Variants in EIF4EBP3 observed in about 807,000 individuals in gnomAD.
The protein encoded by EIF4EBP3 is eukaryotic translation initiation factor 4E binding protein 3, also known as eukaryotic translation initiation factor 4E-binding protein 3.
In EIF4EBP3, 11 loss-of-function variants were observed where a neutral mutation model predicts 12.1. The ratio of observed to expected loss-of-function variants is 0.91; its 90% CI spans 0.57 to 1.51. The LOEUF is 1.51. EIF4EBP3 is among the 40% of genes most tolerant of loss of function. The probability of loss-of-function intolerance (pLI) is 0.00; values close to 1 mark genes in which losing one functional copy is unlikely to be tolerated. For missense variants in EIF4EBP3, 136 were observed against 131.8 expected, an observed-to-expected ratio of 1.03 and a Z score of -0.16; for synonymous variants, 43 against 54.2, an observed-to-expected ratio of 0.79 and a Z score of 0.91.
chr5:140,548,250 G>T (rs1754430463), intron 1 of EIF4EBP3, among the ~76,000 whole-genome samples: 1 of 152,238 alleles, frequency 6.6e-6, no homozygotes. Flanking sequence ...GCTGGCGTCT[G>T]TTTGGTTGGG....
chr5:140,547,813 G>C lies in EIF4EBP3; in HGVS notation c.76G>C (p.Gly26Arg). 2 of 1,522,262 alleles carry C rather than the reference G, an allele frequency of 1.3e-6. No homozygotes were observed. The highest frequency in any genetic ancestry group is 2.5e-5 in the South Asian group (2 of 80,530). The allele number at this position is 1,522,262 out of a possible 1,614,324, so 94.3% of individuals were successfully genotyped here. A position where few individuals can be genotyped will look rare whatever the true frequency, so the allele number is the denominator to read the frequency against. Residue 26 changes from glycine (G) to arginine (R), a missense_variant, in exon 1 of 3, where the codon GGC becomes CGC. Coordinates refer to ENST00000310331, the MANE Select transcript of EIF4EBP3 (RefSeq NM_003732.3). ...LPDCYSTTPG[G>R]TLYATTPGGT... Reference sequence around the variant, plus strand: ...CGACTGCTACAGCACCACGCCGGGGGGCACGCTATACGCCACTACCCCCGG... The same window carrying C: ...CGACTGCTACAGCACCACGCCGGGGCGCACGCTATACGCCACTACCCCCGG...
At position 140,549,487 on chromosome 5, in the gene EIF4EBP3, C is replaced by A. The variant is rs915517580; in HGVS notation, c.*225C>A. 1.2e-5 allele frequency: 8 copies of A among 649,482 alleles called. No individual in the cohort carries two copies. Among genetic ancestry groups the A allele is most frequent in the Non-Finnish European group, 2.1e-5 (8 of 376,616 alleles). 40.2% of individuals were successfully genotyped at this position (649,482 alleles called of 1,614,324 possible). On this transcript the variant is annotated 3_prime_UTR_variant, in exon 3 of 3. Coordinates refer to ENST00000310331, the MANE Select transcript of EIF4EBP3 (RefSeq NM_003732.3). ...TACTTCCTCTTCAGTCTGTGGTACTCCTCCTAACCCTAAACCCTCTATGCT... is the reference window on the plus strand; with the variant it reads ...TACTTCCTCTTCAGTCTGTGGTACTACTCCTAACCCTAAACCCTCTATGCT...
chr5:140,547,764 T>TC lies in EIF4EBP3; in HGVS notation c.30dup (p.Gly11ArgfsTer83). On this transcript the variant is annotated frameshift_variant, in exon 1 of 3. Transcript: ENST00000310331. LOFTEE classifies it high-confidence loss of function. Reference sequence around the variant, plus strand: ...TGTCAACGTCCACTAGCTGCCCGATTCCCGGGGGCCGGGACCAGCTGCCCG... The same window carrying TC: ...TGTCAACGTCCACTAGCTGCCCGATTCCCCGGGGGCCGGGACCAGCTGCCCG... The TC allele has an allele frequency of 3.9e-6, 6 of 1,544,318 alleles. No individual in the cohort carries two copies. Among genetic ancestry groups the TC allele is most frequent in the Non-Finnish European group, 5.2e-6 (6 of 1,143,472 alleles).
chr5:140,548,975 C>T lies in EIF4EBP3; in HGVS notation c.173C>T (p.Pro58Leu), dbSNP rs567544849. The change falls in exon 2 of 3, where the codon CCC (proline) becomes CTC (leucine). Residue 58 changes from proline (P) to leucine (L), a missense_variant. Coordinates refer to ENST00000310331, the MANE Select transcript of EIF4EBP3 (RefSeq NM_003732.3). Reference protein sequence around the residue: ...CKNSPIARTPPCCLPQIPGVT... With the variant: ...CKNSPIARTPLCCLPQIPGVT... ...AACTCACCCATTGCCCGGACACCCC[C>T]CTGCTGCCTCCCTCAGATTCCCGGG... is the stretch of plus-strand genomic sequence containing the variant. 2.5e-6 allele frequency: 4 copies of T among 1,614,062 alleles called. No homozygotes were observed. The highest frequency in any genetic ancestry group is 3.4e-6 in the Non-Finnish European group (4 of 1,180,030).
At chr5:140,548,859 C>T (rs557094979) in intron 1 of EIF4EBP3, 47 bp from the exon 2 acceptor site, 104 of 1,573,538 alleles carry the variant, frequency 6.6e-5, no homozygotes, top group Middle Eastern at 3.4e-4. Flanking sequence ...CCAGTCACCT[C>T]GGTACCCAAG....
chr5:140,548,450 G>T (rs1754437154), intron 1 of EIF4EBP3, among the ~76,000 whole-genome samples: 1 of 152,232 alleles, frequency 6.6e-6, no homozygotes, highest in Non-Finnish European at 1.5e-5. Flanking sequence ...CCCTGCAGGA[G>T]ATAGCCCAGG....
At chr5:140,548,749 C>T (rs1158536623) in intron 1 of EIF4EBP3, among the ~76,000 whole-genome samples, 157 bp from the exon 2 acceptor site, 1 of 152,162 alleles carries the variant, frequency 6.6e-6, no homozygotes, top group Non-Finnish European at 1.5e-5. Flanking sequence ...GGCTTGTCTG[C>T]TGAGAACCTA....
chr5:140,547,895 T>G, intron 1 of EIF4EBP3, 55 bp downstream of exon 1: 1 of 1,361,230 alleles, frequency 7.3e-7, no homozygotes, highest in Non-Finnish European at 9.6e-7. Flanking sequence ...GCGTGCGTGT[T>G]GTTGCGGGGC....
Position 140,549,461 on chromosome 5 carries a change from C to T in EIF4EBP3, c.*199C>T. ...TGGGCAACTTGCCAAGCCCTTAACT[C>T]TACTTCCTCTTCAGTCTGTGGTACT... is the stretch of plus-strand genomic sequence containing the variant. On this transcript the variant is annotated 3_prime_UTR_variant, in exon 3 of 3. Transcript: ENST00000310331. 1 of 761,058 alleles carries T rather than the reference C, an allele frequency of 1.3e-6. No homozygotes were observed. Among genetic ancestry groups the T allele is most frequent in the Admixed American group, 2.4e-5 (1 of 41,744 alleles). 47.1% of individuals were successfully genotyped at this position (761,058 alleles called of 1,614,324 possible).
At chr5:140,547,915 G>T (rs1221773807) in intron 1 of EIF4EBP3, 75 bp downstream of exon 1, 5 of 1,235,352 alleles carry the variant, frequency 4.0e-6, no homozygotes, top group Admixed American at 3.4e-5. Context: ...CGGGGGTAGG[G>T]GAGGGACAGA....
In EIF4EBP3 at chr5:140,549,444, T is replaced by C. The variant is rs1026301085; in HGVS notation, c.*182T>C. 8.5e-6 allele frequency: 8 copies of C among 942,480 alleles called. No individual in the cohort carries two copies. The highest frequency in any genetic ancestry group is 1.3e-5 in the Non-Finnish European group (8 of 616,572). The allele number at this position is 942,480 out of a possible 1,614,324, so 58.4% of individuals were successfully genotyped here. ...TAGACCAGGGATAGGAGTGGGCAAC[T>C]TGCCAAGCCCTTAACTCTACTTCCT... is the stretch of plus-strand genomic sequence containing the variant. On this transcript the variant is annotated 3_prime_UTR_variant, in exon 3 of 3. Coordinates refer to ENST00000310331, the MANE Select transcript of EIF4EBP3 (RefSeq NM_003732.3).
chr5:140,549,494 A>C lies in EIF4EBP3; in HGVS notation c.*232A>C. On this transcript the variant is annotated 3_prime_UTR_variant, in exon 3 of 3. Transcript: ENST00000310331. Reference sequence around the variant, plus strand: ...TCTTCAGTCTGTGGTACTCCTCCTAACCCTAAACCCTCTATGCTCAGGGGC... The same window carrying C: ...TCTTCAGTCTGTGGTACTCCTCCTACCCCTAAACCCTCTATGCTCAGGGGC... The C allele has an allele frequency of 1.6e-6, 1 of 623,532 alleles. No homozygotes were observed. The highest frequency in any genetic ancestry group is 2.8e-6 in the Non-Finnish European group (1 of 358,064). The allele number at this position is 623,532 out of a possible 1,614,324, so 38.6% of individuals were successfully genotyped here. A position where few individuals can be genotyped will look rare whatever the true frequency, so the allele number is the denominator to read the frequency against.
chr5:140,549,456 TAACTC>T lies in EIF4EBP3; in HGVS notation c.*195_*199del. On this transcript the variant is annotated 3_prime_UTR_variant, in exon 3 of 3. Transcript: ENST00000310331. ...AGGAGTGGGCAACTTGCCAAGCCCT[TAACTC>T]TACTTCCTCTTCAGTCTGTGGTACT... is the stretch of plus-strand genomic sequence containing the variant. 2 of 793,316 alleles carry T rather than the reference TAACTC, an allele frequency of 2.5e-6. No individual in the cohort carries two copies. Among genetic ancestry groups the T allele is most frequent in the South Asian group, 3.2e-5 (2 of 62,132 alleles). The allele number at this position is 793,316 out of a possible 1,614,324, so 49.1% of individuals were successfully genotyped here.
chr5:140,548,901 G>A lies in EIF4EBP3; in HGVS notation c.104-5G>A, dbSNP rs183641841. On this transcript the variant is annotated splice_polypyrimidine_tract_variant and splice_region_variant and intron_variant, in intron 1 of 2. Transcript: ENST00000310331. ...ACTCTTACCTCAGTCCCAACCCCTT[G>A]ACAGGCACCAGGATCATCTACGACC... is the stretch of plus-strand genomic sequence containing the variant. 6.2e-7 allele frequency: 1 copy of A among 1,612,024 alleles called. No individual in the cohort carries two copies. Among genetic ancestry groups the A allele is most frequent in the Non-Finnish European group, 8.5e-7 (1 of 1,178,928 alleles).
intron 1 of EIF4EBP3, 23 bp from the exon 2 acceptor site, chr5:140,548,883 C>T (rs551816550): frequency 6.2e-7 from 1 of 1,604,894 alleles, no homozygotes; most frequent in African/African-American, 1.3e-5. Flanking sequence ...CTGACTCTTA[C>T]CTCAGTCCCA....
Position 140,549,078 on chromosome 5 carries a change from T to C in EIF4EBP3, c.274+2T>C, listed in dbSNP as rs778999431. 1 of 1,614,014 alleles carries C rather than the reference T, an allele frequency of 6.2e-7. No homozygotes were observed. On this transcript the variant is annotated splice_donor_variant, in intron 2 of 2. Transcript: ENST00000310331. LOFTEE classifies it high-confidence loss of function. ...AGGAGACAGAGGAAGAGATACCCGG[T>C]AAGGAAAGCAGGAATTAAGAATTGT...
intron 1 of EIF4EBP3, 72 bp from the exon 2 acceptor site, chr5:140,548,833 GC>G: frequency 6.5e-7 from 1 of 1,533,614 alleles, no homozygotes; most frequent in Non-Finnish European, 8.8e-7. Flanking sequence ...GCCCCAAAAG[GC>G]CTGAGTCTGG....
In EIF4EBP3 at chr5:140,548,973, C is replaced by G; in HGVS notation, c.171C>G (p.Pro57=). Residue 57 remains proline, a synonymous_variant, in exon 2 of 3, where the codon CCC becomes CCG. Coordinates refer to ENST00000310331, the MANE Select transcript of EIF4EBP3 (RefSeq NM_003732.3). ...AGAACTCACCCATTGCCCGGACACC[C>G]CCCTGCTGCCTCCCTCAGATTCCCG... ...ECKNSPIART[P]PCCLPQIPGV... is the part of the protein sequence containing the mutation. 1 of 1,614,182 alleles carries G rather than the reference C, an allele frequency of 6.2e-7. No individual in the cohort carries two copies. The highest frequency in any genetic ancestry group is 8.5e-7 in the Non-Finnish European group (1 of 1,180,034).
chr5:140,547,905 C>G, intron 1 of EIF4EBP3, 65 bp downstream of exon 1: 7 of 1,140,892 alleles, frequency 6.1e-6, no homozygotes, highest in East Asian at 3.3e-5. Context: ...TGTTGCGGGG[C>G]GGGGGTAGGG....
Sources: allele counts gnomAD v4.1 joint callset (sites outside exome capture counted in the v4.1 genomes callset), GRCh38; gene constraint gnomAD v4.1.1; transcripts MANE v1.5; gene names NCBI Gene and HGNC (gene_info 2026-07-23, HGNC 2026-07-21).